Variants in ACSL3 observed in about 807,000 individuals in gnomAD.
ACSL3 encodes fatty acid CoA ligase Acsl3.
A neutral mutation model predicts 84.7 loss-of-function variants in ACSL3; 34 were observed. The observed-to-expected ratio is 0.40, with a 90% CI of 0.31 to 0.53. ACSL3 has a LOEUF of 0.53. Ranked by LOEUF, ACSL3 falls within the 20% of genes least tolerant of loss-of-function variation. The probability of loss-of-function intolerance (pLI) is 0.48; values close to 1 mark genes in which losing one functional copy is unlikely to be tolerated. For synonymous variants in ACSL3, 315 were observed against 299.4 expected (o/e 1.05, Z -0.54); for missense variants, 680 against 873.1 (o/e 0.78, Z 2.79).
intron 1 of ACSL3, among the ~76,000 whole-genome samples, chr2:222,864,804 C>G (rs1695098419): frequency 6.6e-6 from 1 of 152,146 alleles, no homozygotes. Flanking sequence ...ACCCAAAGTA[C>G]AACTGAGGCC....
intron 1 of ACSL3, among the ~76,000 whole-genome samples, chr2:222,886,403 G>A (rs1188553255): frequency 4.6e-5 from 7 of 152,168 alleles, no homozygotes. Flanking sequence ...CGAAGGACAT[G>A]AACTCATTCT....
At position 222,866,185 on chromosome 2, in the gene ACSL3, C is replaced by T. The variant is rs201817519; in HGVS notation, c.-207+4927C>T. Among the ~76,000 whole-genome samples the T allele has an allele frequency of 9.1e-4, 138 of 152,158 alleles. 2 individuals carry two copies. Among genetic ancestry groups the T allele is most frequent in the Admixed American group, 7.2e-3 (110 of 15,284 alleles). ...TTTTGAGACGGAGTCTCGCTCTGTC[C>T]CCCTGGCTGGAGTGCAGTGGCATGA... On this transcript the variant is annotated intron_variant, in intron 1 of 16. Transcript: ENST00000357430.
chr2:222,877,726 T>C (rs1407897265), intron 1 of ACSL3, among the ~76,000 whole-genome samples: 3 of 152,198 alleles, frequency 2.0e-5, no homozygotes, highest in African/African-American at 7.2e-5. Flanking sequence ...GCTAGAAATT[T>C]GGATGGAACA....
At chr2:222,888,549 C>T (rs1574528626) in intron 2 of ACSL3, among the ~76,000 whole-genome samples, 1 of 152,136 alleles carries the variant, frequency 6.6e-6, no homozygotes, top group Admixed American at 6.5e-5. Context: ...TAGTTGACAT[C>T]CTTCTTTTCA....
rs1697401978 is a variant in ACSL3, at chr2:222,944,215, C to T, written c.*2561C>T. 6.6e-6 allele frequency: 1 copy of T among 152,104 alleles called. No homozygotes were observed. The highest frequency in any genetic ancestry group is 2.4e-5 in the African/African-American group (1 of 41,428). The allele number at this position is 152,104 out of a possible 1,614,324, so 9.4% of individuals were successfully genotyped here. ...TTATAATGTTCTCTAAAGCTTGCAA[C>T]TTTTTCAGCAACGTTTAAAAATAGA... On this transcript the variant is annotated 3_prime_UTR_variant, in exon 17 of 17. Transcript: ENST00000357430.
intron 3 of ACSL3, among the ~76,000 whole-genome samples, chr2:222,902,051 T>TA (rs1696168283): frequency 6.6e-6 from 1 of 151,524 alleles, no homozygotes; most frequent in Non-Finnish European, 1.5e-5. Context: ...ATATTTTTGT[T>TA]ACTTGTTAAA....
chr2:222,922,506 T>G (rs984742419), intron 8 of ACSL3, among the ~76,000 whole-genome samples: 1 of 152,178 alleles, frequency 6.6e-6, no homozygotes, highest in Non-Finnish European at 1.5e-5. Context: ...GAGCTGTAAT[T>G]CTTTTTCCCT....
intron 3 of ACSL3, among the ~76,000 whole-genome samples, chr2:222,902,178 A>T (rs1218839289): frequency 6.6e-6 from 1 of 152,094 alleles, no homozygotes; most frequent in African/African-American, 2.4e-5. Flanking sequence ...ATAATTGCAA[A>T]TTTTTATAAT....
chr2:222,911,928 A>G (rs1488099569), intron 4 of ACSL3, among the ~76,000 whole-genome samples: 1 of 152,232 alleles, frequency 6.6e-6, no homozygotes, highest in Non-Finnish European at 1.5e-5. Flanking sequence ...TTTTCTGTCT[A>G]TAGTTCATTA....
chr2:222,910,591 T>C (rs1019073342), intron 4 of ACSL3, among the ~76,000 whole-genome samples: 3 of 152,246 alleles, frequency 2.0e-5, no homozygotes, highest in African/African-American at 7.2e-5. Context: ...ACAAATTTCA[T>C]ACATCATTTT....
At position 222,864,547 on chromosome 2, in the gene ACSL3, T is replaced by C. The variant is rs547001425; in HGVS notation, c.-207+3289T>C. ...TGGAATGCTCCTATGAGAGAAGAATTGAGAACCATCATTGAATTTAGCAAC... is the reference window on the plus strand; with the variant it reads ...TGGAATGCTCCTATGAGAGAAGAATCGAGAACCATCATTGAATTTAGCAAC... On this transcript the variant is annotated intron_variant, in intron 1 of 16. Transcript: ENST00000357430. Among the ~76,000 whole-genome samples, 268 of 152,066 alleles carry C rather than the reference T, an allele frequency of 1.8e-3. 1 individual carries two copies. Among genetic ancestry groups the C allele is most frequent in the African/African-American group, 6.3e-3 (261 of 41,392 alleles).
At chr2:222,930,160 C>T (rs1696987515) in intron 13 of ACSL3, among the ~76,000 whole-genome samples, 1 of 151,986 alleles carries the variant, frequency 6.6e-6, no homozygotes, top group African/African-American at 2.4e-5. Context: ...AAACTCCTGA[C>T]CTCAGGCGAT....
intron 1 of ACSL3, among the ~76,000 whole-genome samples, chr2:222,886,458 CAAATT>C (rs942588462): frequency 4.6e-5 from 7 of 152,034 alleles, no homozygotes; most frequent in East Asian, 1.9e-4. Context: ...AAATTAATAA[CAAATT>C]AAAAGTTAAT....
intron 1 of ACSL3, among the ~76,000 whole-genome samples, chr2:222,864,493 T>A (rs1398027797): frequency 6.6e-6 from 1 of 151,764 alleles, no homozygotes; most frequent in Admixed American, 6.6e-5. Flanking sequence ...CAGAAACAGA[T>A]GTTCCTGCAA....
At chr2:222,916,115 TTTGAG>T (rs1366149123) in intron 4 of ACSL3, among the ~76,000 whole-genome samples, 199 bp from the exon 5 acceptor site, 2 of 152,082 alleles carry the variant, frequency 1.3e-5, no homozygotes, top group African/African-American at 4.8e-5. Flanking sequence ...CAATATAAGA[TTTGAG>T]TTGTTATAGA....
intron 1 of ACSL3, among the ~76,000 whole-genome samples, chr2:222,873,918 C>T (rs1023772635): frequency 1.3e-5 from 2 of 152,192 alleles, no homozygotes; most frequent in African/African-American, 2.4e-5. Flanking sequence ...TTTAAAGGCT[C>T]TTAATAAAAA....
intron 2 of ACSL3, among the ~76,000 whole-genome samples, chr2:222,893,520 C>T (rs939826207): frequency 1.3e-5 from 2 of 152,098 alleles, no homozygotes; most frequent in Non-Finnish European, 1.5e-5. Context: ...TTGTATCTCT[C>T]TTGCGCCTAA....
chr2:222,940,378 T>C (rs1330284328), intron 16 of ACSL3, among the ~76,000 whole-genome samples: 1 of 152,194 alleles, frequency 6.6e-6, no homozygotes. Flanking sequence ...TTCTCCTGGA[T>C]ACCAGGCTCT....
chr2:222,871,779 T>G (rs1695308289), intron 1 of ACSL3, among the ~76,000 whole-genome samples: 1 of 152,138 alleles, frequency 6.6e-6, no homozygotes, highest in South Asian at 2.1e-4. Flanking sequence ...GCAGGTCTAG[T>G]GGGTGAGGGG....
Sources: gnomAD v4.1 joint callset for allele counts (sites outside exome capture counted in the v4.1 genomes callset) on GRCh38, gnomAD v4.1.1 for gene constraint, MANE v1.5 for transcripts, NCBI Gene and HGNC (gene_info 2026-07-23, HGNC 2026-07-21) for gene names.